The following GSG1L variants were observed in gnomAD, a reference collection of about 807,000 sequenced individuals.
GSG1L encodes germ cell-specific gene 1-like protein.
Under a neutral mutation model 42.1 loss-of-function variants are expected in GSG1L, and 24 were observed. The ratio of observed to expected loss-of-function variants is 0.57; its 90% CI spans 0.41 to 0.80. The LOEUF (loss-of-function observed/expected upper bound fraction) is 0.80. Ranked by LOEUF, GSG1L falls within the 30% of genes least tolerant of loss-of-function variation. GSG1L has a pLI of 0.00. For synonymous variants in GSG1L, 215 were observed against 203.5 expected (o/e 1.06, Z -0.48); for missense variants, 445 against 472.2 (o/e 0.94, Z 0.53).
At chr16:28,043,336 G>A (rs190515858) in intron 1 of GSG1L, among the ~76,000 whole-genome samples, 85 of 152,308 alleles carry the variant, frequency 5.6e-4, no homozygotes, top group African/African-American at 1.9e-3. Context: ...CTTTGATCAC[G>A]AGCATAGAAA....
chr16:27,931,712 T>A (rs542670194), intron 2 of GSG1L, among the ~76,000 whole-genome samples: 1 of 152,288 alleles, frequency 6.6e-6, no homozygotes, highest in East Asian at 1.9e-4. Flanking sequence ...GTCCTTAGGA[T>A]GCACACAGGT....
intron 2 of GSG1L, among the ~76,000 whole-genome samples, chr16:27,913,150 G>A (rs182651682): frequency 1.7e-3 from 254 of 152,220 alleles, no homozygotes; most frequent in Non-Finnish European, 4.7e-4. Context: ...AGAACATAAT[G>A]TAAACAAGTT....
chr16:27,974,440 G>A (rs1013421279), intron 1 of GSG1L, among the ~76,000 whole-genome samples: 3 of 152,130 alleles, frequency 2.0e-5, no homozygotes, highest in Non-Finnish European at 4.4e-5. Context: ...AACTTCATAC[G>A]ACCCAGGGGC....
intron 2 of GSG1L, among the ~76,000 whole-genome samples, chr16:27,920,470 T>C (rs866440276): frequency 1.2e-4 from 18 of 152,358 alleles, no homozygotes; most frequent in Middle Eastern, 3.4e-3. Context: ...CAGTGCCTTC[T>C]GTCCTCCACC....
In GSG1L at chr16:27,803,795, A is replaced by C. The variant is rs1341028973; in HGVS notation, c.898+3692T>G. Among the ~76,000 whole-genome samples the C allele has an allele frequency of 2.8e-4, 12 of 42,388 alleles. 1 individual carries two copies. Among genetic ancestry groups the C allele is most frequent in the Non-Finnish European group, 4.4e-4 (8 of 18,126 alleles). 27.8% of individuals were successfully genotyped at this position (42,388 alleles called of 152,430 possible). A position where few individuals can be genotyped will look rare whatever the true frequency, so the allele number is the denominator to read the frequency against. The stretch of plus-strand genomic sequence containing the variant: ...TATATATATATATATATATATATAT[A>C]GATAGATAGATATAGATATAGATAT... On this transcript the variant is annotated intron_variant, in intron 6 of 6. Coordinates refer to ENST00000447459, the MANE Select transcript of GSG1L (RefSeq NM_001109763.2).
chr16:27,940,256 G>A (rs1227067096), intron 2 of GSG1L, among the ~76,000 whole-genome samples: 2 of 151,770 alleles, frequency 1.3e-5, no homozygotes, highest in African/African-American at 4.8e-5. Flanking sequence ...CTGTTGGTGG[G>A]ACTGTAAACC....
At chr16:27,921,784 T>C (rs1361173735) in intron 2 of GSG1L, among the ~76,000 whole-genome samples, 2 of 152,202 alleles carry the variant, frequency 1.3e-5, no homozygotes, top group Non-Finnish European at 2.9e-5. Flanking sequence ...ACCTGTCTTA[T>C]GCGGCAGCCC....
At chr16:27,801,414 G>C (rs920787620) in intron 6 of GSG1L, among the ~76,000 whole-genome samples, 4 of 152,222 alleles carry the variant, frequency 2.6e-5, no homozygotes, top group African/African-American at 9.6e-5. Flanking sequence ...CCTGCACACA[G>C]TAAGTGTTTA....
intron 2 of GSG1L, among the ~76,000 whole-genome samples, chr16:27,904,010 T>C (rs1047991938): frequency 6.6e-6 from 1 of 152,066 alleles, no homozygotes; most frequent in African/African-American, 2.4e-5. Flanking sequence ...CCAGGCACAC[T>C]CTTGCCTTGG....
At position 27,943,121 on chromosome 16, in the gene GSG1L, C is replaced by T. The variant is rs549543239; in HGVS notation, c.397+20035G>A. Among the ~76,000 whole-genome samples, 3 of 152,162 alleles carry T rather than the reference C, an allele frequency of 2.0e-5. No individual in the cohort carries two copies. The East Asian group carries it at 5.8e-4, about 29-fold the overall frequency. Reference sequence around the variant, plus strand: ...CCAGGCTAGAGTGCACTGGCATGATCATAGCTCACTACAGCCTCGAACTCC... The same window carrying T: ...CCAGGCTAGAGTGCACTGGCATGATTATAGCTCACTACAGCCTCGAACTCC... On this transcript the variant is annotated intron_variant, in intron 2 of 6. Coordinates refer to ENST00000447459, the MANE Select transcript of GSG1L (RefSeq NM_001109763.2).
chr16:27,890,052 G>A (rs1371951288), intron 2 of GSG1L, among the ~76,000 whole-genome samples: 1 of 152,190 alleles, frequency 6.6e-6, no homozygotes, highest in Non-Finnish European at 1.5e-5. Flanking sequence ...TCAGCAAGGA[G>A]GCTGTCGTCA....
At chr16:27,924,847 T>C (rs2084573443) in intron 2 of GSG1L, among the ~76,000 whole-genome samples, 1 of 152,140 alleles carries the variant, frequency 6.6e-6, no homozygotes, top group Admixed American at 6.5e-5. Context: ...ACCCTTACAG[T>C]CATAATATGA....
chr16:28,036,333 C>T (rs1400119463), intron 1 of GSG1L, among the ~76,000 whole-genome samples: 1 of 152,210 alleles, frequency 6.6e-6, no homozygotes, highest in Non-Finnish European at 1.5e-5. Context: ...ACTGCAAGTT[C>T]CTACGACTCC....
At chr16:28,012,490 G>A (rs1054683894) in intron 1 of GSG1L, among the ~76,000 whole-genome samples, 7 of 152,072 alleles carry the variant, frequency 4.6e-5, no homozygotes, top group Non-Finnish European at 1.0e-4. Context: ...TATTGGGCCA[G>A]GCAGTCTGCT....
chr16:27,881,397 A>G (rs1294913267), intron 3 of GSG1L, among the ~76,000 whole-genome samples: 1 of 152,006 alleles, frequency 6.6e-6, no homozygotes, highest in Non-Finnish European at 1.5e-5. Flanking sequence ...GTGCACCACC[A>G]TGCCCAGCTA....
chr16:27,807,465 T>C (rs1202272474), intron 6 of GSG1L, 22 bp downstream of exon 6: 2 of 1,604,332 alleles, frequency 1.2e-6, no homozygotes, highest in Admixed American at 3.4e-5. Flanking sequence ...TCGTAGCAGA[T>C]ACCCACAAAC....
intron 3 of GSG1L, among the ~76,000 whole-genome samples, chr16:27,854,715 C>T (rs1016588011): frequency 1.3e-5 from 2 of 152,270 alleles, no homozygotes; most frequent in African/African-American, 4.8e-5. Flanking sequence ...CCACTTGTGT[C>T]CTGGACACCC....
At chr16:27,901,720 G>A (rs940160745) in intron 2 of GSG1L, among the ~76,000 whole-genome samples, 2 of 152,266 alleles carry the variant, frequency 1.3e-5, no homozygotes, top group South Asian at 2.1e-4. Flanking sequence ...AAATACCATC[G>A]GGTCTCTCTC....
chr16:27,808,844 G>A (rs539739197), intron 5 of GSG1L, among the ~76,000 whole-genome samples: 50 of 152,250 alleles, frequency 3.3e-4, no homozygotes, highest in East Asian at 9.6e-4. Flanking sequence ...CAGCCTCTGC[G>A]GGGTGGCAGC....
Sources: allele counts gnomAD v4.1 joint callset (sites outside exome capture counted in the v4.1 genomes callset), GRCh38; gene constraint gnomAD v4.1.1; transcripts MANE v1.5; gene names NCBI Gene and HGNC (gene_info 2026-07-23, HGNC 2026-07-21).